TIAM2: variants seen among roughly 807,000 people sequenced by gnomAD.
TIAM2 encodes rho guanine nucleotide exchange factor TIAM2.
TIAM2 carries 80 observed loss-of-function variants against 152.9 expected under a neutral mutation model. The ratio of observed to expected loss-of-function variants is 0.52; its 90% CI spans 0.44 to 0.63. The LOEUF (loss-of-function observed/expected upper bound fraction) is 0.63. Ranked by LOEUF, TIAM2 falls within the 30% of genes least tolerant of loss-of-function variation. TIAM2 has a pLI of 0.00. For missense variants in TIAM2, 1,965 were observed against 2,120.1 expected (o/e 0.93, Z 1.44); for synonymous variants, 804 against 838.0 (o/e 0.96, Z 0.70).
intron 10 of TIAM2, among the ~76,000 whole-genome samples, chr6:155,177,845 T>C (rs1780792076): frequency 2.0e-5 from 3 of 152,208 alleles, no homozygotes; most frequent in Non-Finnish European, 2.9e-5. Flanking sequence ...TATCCTCCAT[T>C]AAACTGATAA....
chr6:155,244,201 C>T, intron 17 of TIAM2, 122 bp downstream of exon 17: 2 of 943,800 alleles, frequency 2.1e-6, no homozygotes, highest in South Asian at 3.0e-5. Context: ...ACTTAACGGT[C>T]TTCTGAGAGT....
At position 155,130,310 on chromosome 6, in the gene TIAM2, C is replaced by T; in HGVS notation, c.1087C>T (p.Pro363Ser). ...TTCCTTCACTCTCCCCTGTCGGAAG[C>T]CCAAAGCCTTTGTTGAGGATACTGC... ...YSSFTLPCRKPKAFVEDTAKK... is the reference protein window; with the variant it reads ...YSSFTLPCRKSKAFVEDTAKK... Residue 363 changes from proline (P) to serine (S), a missense_variant, in exon 4 of 27, where the codon CCC becomes TCC. Coordinates refer to ENST00000682666, the MANE Select transcript of TIAM2 (RefSeq NM_012454.4). 2 of 1,614,156 alleles carry T rather than the reference C, an allele frequency of 1.2e-6. No homozygotes were observed. Among genetic ancestry groups the T allele is most frequent in the Non-Finnish European group, 1.7e-6 (2 of 1,180,034 alleles).
intron 1 of TIAM2, among the ~76,000 whole-genome samples, chr6:155,053,598 G>C (rs1464264182): frequency 2.0e-5 from 3 of 151,404 alleles, no homozygotes; most frequent in African/African-American, 7.3e-5. Flanking sequence ...AGCCTCCCGA[G>C]TAGCTGGGAT....
chr6:155,066,607 GT>G (rs1470263244), intron 1 of TIAM2, among the ~76,000 whole-genome samples: 1 of 152,058 alleles, frequency 6.6e-6, no homozygotes, highest in Non-Finnish European at 1.5e-5. Context: ...TTTTCCTTTA[GT>G]TTTCATCCTT....
At chr6:155,030,383 AC>A (rs1437521122) in intron 1 of TIAM2, among the ~76,000 whole-genome samples, 5 of 152,164 alleles carry the variant, frequency 3.3e-5, no homozygotes, top group African/African-American at 1.2e-4. Context: ...GTTGATTTTA[AC>A]AGTCCTGTGA....
At chr6:155,104,712 G>C (rs1048814802) in intron 2 of TIAM2, among the ~76,000 whole-genome samples, 1 of 149,146 alleles carries the variant, frequency 6.7e-6, no homozygotes, top group Admixed American at 6.8e-5. Context: ...AGCCGAGATC[G>C]TGCCTCTGCA....
intron 1 of TIAM2, among the ~76,000 whole-genome samples, chr6:155,073,159 C>CTT (rs34459359): frequency 0.31 from 32,910 of 105,088 alleles, 5,834 homozygotes; most frequent in Non-Finnish European, 0.36. Flanking sequence ...TGATTAAGTT[C>CTT]TTTTTTTTTT....
chr6:155,231,122 G>A (rs1310848405), intron 15 of TIAM2, among the ~76,000 whole-genome samples: 4 of 152,066 alleles, frequency 2.6e-5, no homozygotes, highest in East Asian at 1.9e-4. Flanking sequence ...GATTATAGGC[G>A]TGAGCCACTG....
chr6:155,065,115 G>C (rs1248748059), intron 1 of TIAM2, among the ~76,000 whole-genome samples: 2 of 152,000 alleles, frequency 1.3e-5, no homozygotes, highest in Non-Finnish European at 2.9e-5. Flanking sequence ...CACCACGCCC[G>C]GCTGATTTTT....
intron 14 of TIAM2, among the ~76,000 whole-genome samples, chr6:155,206,723 A>G (rs544710681): frequency 5.9e-5 from 9 of 152,178 alleles, no homozygotes; most frequent in Non-Finnish European, 1.2e-4. Flanking sequence ...TGCTGGCTCA[A>G]CTGCTGAGTA....
chr6:155,021,065 C>T (rs1443690039), intron 1 of TIAM2, among the ~76,000 whole-genome samples: 1 of 152,130 alleles, frequency 6.6e-6, no homozygotes, highest in African/African-American at 2.4e-5. Flanking sequence ...GAATGTCTTT[C>T]CCTTTTAAAG....
chr6:155,197,412 A>G (rs1282344398), intron 14 of TIAM2, among the ~76,000 whole-genome samples: 1 of 152,122 alleles, frequency 6.6e-6, no homozygotes, highest in Non-Finnish European at 1.5e-5. Context: ...TTGAGGAAAA[A>G]TGGGGGCTGA....
At position 155,218,998 on chromosome 6, in the gene TIAM2, G is replaced by GCCACCCAC. The variant is rs1174916173; in HGVS notation, c.3168+7693_3168+7694insACCCACCC. On this transcript the variant is annotated intron_variant, in intron 15 of 26. Transcript: ENST00000682666. The surrounding 1 kb of genome is among the most constrained non-coding windows in gnomAD (Gnocchi z 4.5). ...CCCACCCGTGTTCTTGACCATCTCA[G>GCCACCCAC]CCGTGTTCTTGACCATCTCAGCCGC... 9.4e-5 allele frequency among the ~76,000 whole-genome samples: 7 copies of GCCACCCAC among 74,690 alleles called. No homozygotes were observed. The highest frequency in any genetic ancestry group is 1.4e-4 in the Non-Finnish European group (5 of 36,312). 49.0% of individuals were successfully genotyped at this position (74,690 alleles called of 152,430 possible).
At chr6:155,055,546 T>C (rs1439983140) in intron 1 of TIAM2, among the ~76,000 whole-genome samples, 1 of 152,168 alleles carries the variant, frequency 6.6e-6, no homozygotes. Context: ...GTACGTGAGA[T>C]TTTTGTGCCT....
chr6:155,236,769 T>C (rs534563113), intron 15 of TIAM2, among the ~76,000 whole-genome samples: 15 of 152,286 alleles, frequency 9.8e-5, no homozygotes, highest in African/African-American at 3.4e-4. Context: ...TCTTGTGAGA[T>C]CTATTCACTA....
intron 2 of TIAM2, among the ~76,000 whole-genome samples, chr6:155,108,350 T>C (rs1310190656): frequency 6.6e-6 from 1 of 152,126 alleles, no homozygotes; most frequent in Non-Finnish European, 1.5e-5. Flanking sequence ...ATTGATGACT[T>C]TTCCTTTTCA....
intron 1 of TIAM2, among the ~76,000 whole-genome samples, chr6:155,071,579 A>G (rs1053386054): frequency 6.6e-6 from 1 of 152,154 alleles, no homozygotes; most frequent in African/African-American, 2.4e-5. Context: ...TTGAACAGAG[A>G]TCTGTGCAAG....
intron 14 of TIAM2, among the ~76,000 whole-genome samples, chr6:155,188,103 G>T (rs1170308104): frequency 1.3e-5 from 2 of 152,180 alleles, no homozygotes; most frequent in Non-Finnish European, 2.9e-5. Context: ...TGTGTGCAAA[G>T]TTCCCGGCAC....
At chr6:155,015,942 ACC>A (rs1270223682) in intron 1 of TIAM2, among the ~76,000 whole-genome samples, 9 of 132,478 alleles carry the variant, frequency 6.8e-5, no homozygotes, top group Admixed American at 3.1e-4. Context: ...GTTTCAAAAA[ACC>A]AAAAAAAAAA....
Sources: allele counts gnomAD v4.1 joint callset (sites outside exome capture counted in the v4.1 genomes callset), GRCh38; gene constraint gnomAD v4.1.1; non-coding constraint Gnocchi (gnomAD v3.1); transcripts MANE v1.5; gene names NCBI Gene and HGNC (gene_info 2026-07-23, HGNC 2026-07-21).